Variants in WWP2 observed in about 807,000 individuals in gnomAD.
The protein encoded by WWP2 is NEDD4-like E3 ubiquitin-protein ligase WWP2.
WWP2 carries 57 observed loss-of-function variants against 121.0 expected under a neutral mutation model. The ratio of observed to expected loss-of-function variants is 0.47; its 90% CI spans 0.38 to 0.59. The LOEUF is 0.59. WWP2 is among the 20% of genes least tolerant of loss of function. The pLI is 0.00. For missense variants in WWP2, 962 were observed against 1,158.9 expected, an observed-to-expected ratio of 0.83 and a Z score of 2.47; for synonymous variants, 449 against 441.3, an observed-to-expected ratio of 1.02 and a Z score of -0.22.
intron 4 of WWP2, chr16:69,828,140 T>C (rs1459590590): frequency 1.2e-5 from 4 of 338,270 alleles, no homozygotes; most frequent in South Asian, 2.4e-5. Flanking sequence ...GGACCCTGAA[T>C]CAAGAGAAAT....
rs569730009 is a variant in WWP2 at position 69,936,360 on chromosome 16, C to T, written c.2025C>T (p.Asp675=). ...GCCTGGAGCTGTACTTCATCCAGGA[C>T]ATGGAGATACTGGGCAAGGTGACGA... ...ECGLELYFIQ[D]MEILGKVTTH... is the part of the protein sequence containing the mutation. The change falls in exon 19 of 24, where the codon GAC becomes GAT. Residue 675 remains aspartate (D), a synonymous_variant. Coordinates refer to ENST00000359154, the MANE Select transcript of WWP2 (RefSeq NM_001270454.2). 2 of 1,614,122 alleles carry T rather than the reference C, an allele frequency of 1.2e-6. No homozygotes were observed. The highest frequency in any genetic ancestry group is 3.3e-5 in the Admixed American group (2 of 60,024).
intron 6 of WWP2, among the ~76,000 whole-genome samples, chr16:69,851,444 C>T (rs1002194990): frequency 5.9e-5 from 9 of 152,112 alleles, no homozygotes; most frequent in Admixed American, 4.6e-4. Context: ...AGTATATAGC[C>T]TTGTCAGATT....
chr16:69,934,117 A>G lies in WWP2; in HGVS notation c.1830A>G (p.Arg610=), dbSNP rs1410173549. 1.2e-6 allele frequency: 2 copies of G among 1,613,996 alleles called. No individual in the cohort carries two copies. The highest frequency in any genetic ancestry group is 1.3e-5 in the African/African-American group (1 of 74,908). The change falls in exon 17 of 24, where the codon AGA becomes AGG. Residue 610 remains arginine (R), a synonymous_variant. Coordinates refer to ENST00000359154, the MANE Select transcript of WWP2 (RefSeq NM_001270454.2). ...DHLTYFRFIG[R]FIAMALYHGK... ...TCACCTACTTTCGCTTTATAGGCAG[A>G]TTCATCGCCATGGTAAGGGGGCCCC...
intron 12 of WWP2, among the ~76,000 whole-genome samples, 200 bp from the exon 13 acceptor site, chr16:69,929,930 T>G (rs2058688761): frequency 6.6e-6 from 1 of 152,060 alleles, no homozygotes; most frequent in Non-Finnish European, 1.5e-5. Context: ...CAGGGCTGGG[T>G]TTTTGGCCAT....
chr16:69,837,051 GTA>G (rs1567694718), intron 4 of WWP2, among the ~76,000 whole-genome samples: 2 of 152,088 alleles, frequency 1.3e-5, no homozygotes, highest in Non-Finnish European at 2.9e-5. Context: ...TGCCTCCTCA[GTA>G]TCTGGGACTA....
chr16:69,786,743 G>A (rs1329666227), intron 1 of WWP2, among the ~76,000 whole-genome samples: 3 of 152,106 alleles, frequency 2.0e-5, no homozygotes, highest in Non-Finnish European at 4.4e-5. Flanking sequence ...GAGCGACCAT[G>A]CCTGGCAGAG....
chr16:69,830,772 G>C (rs6499260), intron 4 of WWP2, among the ~76,000 whole-genome samples: 2 of 151,954 alleles, frequency 1.3e-5, no homozygotes, highest in African/African-American at 2.4e-5. Context: ...AAGAGCCATC[G>C]TAACAGTAAA....
At chr16:69,849,298 G>C (rs1567702375) in intron 6 of WWP2, among the ~76,000 whole-genome samples, 1 of 152,138 alleles carries the variant, frequency 6.6e-6, no homozygotes, top group Non-Finnish European at 1.5e-5. Flanking sequence ...TTGGCTGGCG[G>C]TTGCCACCCC....
intron 4 of WWP2, among the ~76,000 whole-genome samples, chr16:69,829,485 T>C (rs574437838): frequency 6.6e-4 from 101 of 152,342 alleles, no homozygotes; most frequent in Non-Finnish European, 1.2e-3. Context: ...CGTTCATCTC[T>C]GCCCACTTTC....
rs960685239 is a variant in WWP2, at chr16:69,914,717, C to T, written c.1005-2992C>T. Among the ~76,000 whole-genome samples, 18 of 151,922 alleles carry T rather than the reference C, an allele frequency of 1.2e-4. 1 individual carries two copies. Among genetic ancestry groups the T allele is most frequent in the Admixed American group, 9.2e-4 (14 of 15,252 alleles). On this transcript the variant is annotated intron_variant, in intron 9 of 23. Coordinates refer to ENST00000359154, the MANE Select transcript of WWP2 (RefSeq NM_001270454.2). ...GCTGCAGTGAGCCATGATCATGCCA[C>T]TGCACTCCAGCCTGGGCAACAGAGC...
chr16:69,893,022 C>G (rs182133223), intron 8 of WWP2, among the ~76,000 whole-genome samples: 1 of 152,312 alleles, frequency 6.6e-6, no homozygotes, highest in East Asian at 1.9e-4. Flanking sequence ...GCCTAAGCCA[C>G]GATAACTTAA....
chr16:69,854,676 G>C (rs1403694334), intron 6 of WWP2, among the ~76,000 whole-genome samples: 1 of 151,832 alleles, frequency 6.6e-6, no homozygotes, highest in African/African-American at 2.4e-5. Context: ...TCAGCCTCCT[G>C]AGTAGCTGTG....
At chr16:69,932,992 C>G (rs1484304829) in intron 16 of WWP2, 1 of 471,316 alleles carries the variant, frequency 2.1e-6, no homozygotes, top group Non-Finnish European at 4.4e-6. Context: ...GCCTTCTGCG[C>G]TGGCCCCGTG....
intron 6 of WWP2, among the ~76,000 whole-genome samples, chr16:69,852,616 A>G (rs979787851): frequency 2.5e-4 from 38 of 152,048 alleles, no homozygotes; most frequent in Admixed American, 2.4e-3. Context: ...TTCCATCTGT[A>G]TATCTTCTTT....
chr16:69,936,202 A>G, intron 18 of WWP2, 110 bp from the exon 19 acceptor site: 1 of 1,534,818 alleles, frequency 6.5e-7, no homozygotes, highest in Non-Finnish European at 8.9e-7. Context: ...GTCACTGTTC[A>G]GGATTCTAGG....
At chr16:69,850,182 T>C (rs1025740688) in intron 6 of WWP2, among the ~76,000 whole-genome samples, 16 of 152,074 alleles carry the variant, frequency 1.1e-4, no homozygotes, top group South Asian at 4.2e-4. Context: ...GTCAGGAGAT[T>C]GAGACCATCC....
chr16:69,824,538 T>A (rs2056650717), intron 4 of WWP2, among the ~76,000 whole-genome samples: 1 of 82,122 alleles, frequency 1.2e-5, no homozygotes, highest in Admixed American at 1.7e-4. Context: ...CCCCCTTCCC[T>A]TTGTTCCTTC....
At position 69,798,719 on chromosome 16, in the gene WWP2, T is replaced by G. The variant is rs112425716; in HGVS notation, c.108T>G (p.Pro36=). The G allele has an allele frequency of 2.6e-3, 4,259 of 1,614,010 alleles. 21 individuals are homozygous for G. The highest frequency in any genetic ancestry group is 3.2e-3 in the Non-Finnish European group (3,725 of 1,179,992). The change falls in exon 3 of 24, where the codon CCT becomes CCG. Residue 36 remains proline (P), a synonymous_variant. Transcript: ENST00000359154. ...SAKPKVHNRQ[P]RINSYVEVAV... ...AGCCCAAGGTGCATAATCGTCAACC[T>G]CGAATTAACTCCTACGTGGAGGTGG... is the stretch of plus-strand genomic sequence containing the variant.
intron 8 of WWP2, among the ~76,000 whole-genome samples, chr16:69,905,885 A>G (rs1473178194): frequency 6.6e-6 from 1 of 152,192 alleles, no homozygotes; most frequent in Non-Finnish European, 1.5e-5. Flanking sequence ...GAAGAGTTAC[A>G]TAGTTTCTCT....
Sources: gnomAD v4.1 joint callset for allele counts (sites outside exome capture counted in the v4.1 genomes callset) on GRCh38, gnomAD v4.1.1 for gene constraint, MANE v1.5 for transcripts, NCBI Gene and HGNC (gene_info 2026-07-23, HGNC 2026-07-21) for gene names.